Variants in FGF12 observed in about 807,000 individuals in gnomAD.
The protein encoded by FGF12 is fibroblast growth factor 12.
In FGF12, 14 loss-of-function variants were observed where a neutral mutation model predicts 23.6. The ratio of observed to expected loss-of-function variants is 0.59; its 90% confidence interval spans 0.39 to 0.93. The LOEUF (loss-of-function observed/expected upper bound fraction) is 0.93. FGF12 is among the 40% of genes least tolerant of loss of function. The probability of loss-of-function intolerance (pLI) is 0.00; values close to 1 mark genes in which losing one functional copy is unlikely to be tolerated. For missense variants in FGF12, 175 were observed against 217.8 expected, an observed-to-expected ratio of 0.80 and a Z score of 1.24; for synonymous variants, 62 against 77.3, an observed-to-expected ratio of 0.80 and a Z score of 1.04.
intron 2 of FGF12, among the ~76,000 whole-genome samples, chr3:192,641,062 C>T (rs2108664402): frequency 6.6e-6 from 1 of 151,176 alleles, no homozygotes; most frequent in South Asian, 2.1e-4. Flanking sequence ...TCCCAAAATA[C>T]TGGGACTACA....
At chr3:192,251,123 TA>T (rs544489154) in intron 4 of FGF12, among the ~76,000 whole-genome samples, 2 of 152,310 alleles carry the variant, frequency 1.3e-5, no homozygotes, top group African/African-American at 4.8e-5. Context: ...TTTGTCACTC[TA>T]TGGAAACTCT....
In FGF12 at chr3:192,195,611, T is replaced by C. The variant is rs1310364773; in HGVS notation, c.229-24955A>G. Among the ~76,000 whole-genome samples the C allele has an allele frequency of 2.0e-5, 3 of 152,210 alleles. No homozygotes were observed. In the East Asian group the frequency reaches 5.8e-4, roughly 29 times the overall value. ...AGTTTTCTGTAAGTATACTCTACGA[T>C]AGTCACACAATGAACTTGCAATAAT... On this transcript the variant is annotated intron_variant, in intron 4 of 5. Transcript: ENST00000445105.
At chr3:192,282,796 GTT>G (rs750037205) in intron 4 of FGF12, 7 of 152,038 alleles carry the variant, frequency 4.6e-5, no homozygotes, top group Non-Finnish European at 1.0e-4. Flanking sequence ...CTTTTGAATA[GTT>G]TCAGGTCTAC....
rs1168708013 is a variant in FGF12 at position 192,455,148 on chromosome 3, G to T, written c.14-94610C>A. ...TACTTCCTAAAATTAAAAGCCTATA[G>T]AGTTGGAAAGAAGAATAATATGATG... On this transcript the variant is annotated intron_variant, in intron 2 of 5. Transcript: ENST00000445105. Among the ~76,000 whole-genome samples, 3 of 152,142 alleles carry T rather than the reference G, an allele frequency of 2.0e-5. No individual in the cohort carries two copies. The East Asian group carries it at 5.8e-4, about 29-fold the overall frequency.
At chr3:192,444,486 T>A (rs1722292870) in intron 2 of FGF12, among the ~76,000 whole-genome samples, 1 of 152,216 alleles carries the variant, frequency 6.6e-6, no homozygotes, top group South Asian at 2.1e-4. Context: ...CTAACATTGC[T>A]TCTGGAACAA....
chr3:192,605,238 A>T (rs1477687518), intron 2 of FGF12, among the ~76,000 whole-genome samples: 1 of 152,028 alleles, frequency 6.6e-6, no homozygotes, highest in East Asian at 1.9e-4. Flanking sequence ...TTAGCTTGGC[A>T]TAGTGGCACA....
At chr3:192,281,020 T>G (rs989729799) in intron 4 of FGF12, among the ~76,000 whole-genome samples, 3 of 152,130 alleles carry the variant, frequency 2.0e-5, no homozygotes, top group Admixed American at 2.0e-4. Flanking sequence ...GCCTCAGAAA[T>G]TTGTGGTGCA....
intron 4 of FGF12, among the ~76,000 whole-genome samples, chr3:192,220,494 A>T (rs1334935396): frequency 6.6e-6 from 1 of 152,104 alleles, no homozygotes; most frequent in Non-Finnish European, 1.5e-5. Flanking sequence ...ATTGTCCCAA[A>T]CACCATTTCC....
intron 2 of FGF12, among the ~76,000 whole-genome samples, chr3:192,650,219 T>C (rs1716166533): frequency 6.6e-6 from 1 of 152,232 alleles, no homozygotes; most frequent in Non-Finnish European, 1.5e-5. Context: ...TTAAACATTT[T>C]AATGGGCCTT....
chr3:192,229,638 C>T lies in FGF12; in HGVS notation c.229-58982G>A, dbSNP rs1239990302. On this transcript the variant is annotated intron_variant, in intron 4 of 5. Coordinates refer to ENST00000445105, the MANE Select transcript of FGF12 (RefSeq NM_004113.6). ...ACAGATCCTGGAGACTAAGAAGATC[C>T]ATGTTATGTAGTTTAAAATGAGGTA... Among the ~76,000 whole-genome samples, 5 of 152,076 alleles carry T rather than the reference C, an allele frequency of 3.3e-5. No homozygotes were observed. In the East Asian group the frequency reaches 9.7e-4, roughly 29 times the overall value.
chr3:192,415,235 GC>G (rs1203937551), intron 2 of FGF12, among the ~76,000 whole-genome samples: 4 of 152,004 alleles, frequency 2.6e-5, no homozygotes, highest in Admixed American at 2.6e-4. Flanking sequence ...CATCATTTTA[GC>G]CCTACTCTAA....
At chr3:192,312,505 A>T (rs78012666) in intron 4 of FGF12, among the ~76,000 whole-genome samples, 5,631 of 151,816 alleles carry the variant, frequency 0.037, 334 homozygotes, top group African/African-American at 0.13. Context: ...TTTGTGGAAA[A>T]CCCATAAGCA....
rs558231220 is a variant in FGF12, at chr3:192,212,173, C to G, written c.229-41517G>C. 5.3e-5 allele frequency among the ~76,000 whole-genome samples: 8 copies of G among 152,320 alleles called. No homozygotes were observed. The South Asian group carries it at 1.7e-3, about 32-fold the overall frequency. The stretch of plus-strand genomic sequence containing the variant: ...CTGAGAAGTTGATTGCTCTTCCAAT[C>G]ACTTATCTGGCTGCAAACCGCTGAG... On this transcript the variant is annotated intron_variant, in intron 4 of 5. Transcript: ENST00000445105.
At chr3:192,448,327 C>CA (rs34216760) in intron 2 of FGF12, among the ~76,000 whole-genome samples, 8 of 152,142 alleles carry the variant, frequency 5.3e-5, no homozygotes, top group Non-Finnish European at 8.8e-5. Context: ...CTGCACTCTG[C>CA]AAAAAATTCA....
intron 4 of FGF12, among the ~76,000 whole-genome samples, chr3:192,267,661 T>C (rs987394660): frequency 1.3e-5 from 2 of 152,194 alleles, no homozygotes; most frequent in Non-Finnish European, 1.5e-5. Flanking sequence ...TGTGGCATTG[T>C]GGACATTTAT....
In FGF12 at chr3:192,194,446, T is replaced by A. The variant is rs74902879; in HGVS notation, c.229-23790A>T. Among the ~76,000 whole-genome samples the A allele has an allele frequency of 2.2e-3, 342 of 152,322 alleles. 3 individuals are homozygous for A. The highest frequency in any genetic ancestry group is 7.5e-3 in the African/African-American group (310 of 41,570). On this transcript the variant is annotated intron_variant, in intron 4 of 5. Coordinates refer to ENST00000445105, the MANE Select transcript of FGF12 (RefSeq NM_004113.6). ...CAAAATGAAACTGTGGCTTAGAGTCTAATTGACACTGATAATACCATAGAG... is the reference window on the plus strand; with the variant it reads ...CAAAATGAAACTGTGGCTTAGAGTCAAATTGACACTGATAATACCATAGAG...
rs1426433968 is a variant in FGF12 at position 192,226,487 on chromosome 3, TAAGC to T, written c.229-55835_229-55832del. Among the ~76,000 whole-genome samples, 3 of 152,312 alleles carry T rather than the reference TAAGC, an allele frequency of 2.0e-5. No individual in the cohort carries two copies. In the East Asian group the frequency reaches 5.8e-4, roughly 29 times the overall value. ...TGCCATTACTGCAGCCATTAATAAG[TAAGC>T]ACACATCTATGTATAATGCACACAC... On this transcript the variant is annotated intron_variant, in intron 4 of 5. Transcript: ENST00000445105.
intron 2 of FGF12, among the ~76,000 whole-genome samples, chr3:192,371,164 A>G (rs1719211183): frequency 6.6e-6 from 1 of 152,216 alleles, no homozygotes; most frequent in African/African-American, 2.4e-5. Flanking sequence ...GACACTTCAA[A>G]CATGAAGATA....
chr3:192,510,360 C>T (rs1440877591), intron 2 of FGF12, among the ~76,000 whole-genome samples: 1 of 152,116 alleles, frequency 6.6e-6, no homozygotes, highest in Non-Finnish European at 1.5e-5. Context: ...AGGTGGCAAG[C>T]AAGGATATGA....
Sources: allele counts gnomAD v4.1 joint callset (sites outside exome capture counted in the v4.1 genomes callset), GRCh38; gene constraint gnomAD v4.1.1; transcripts MANE v1.5; gene names NCBI Gene and HGNC (gene_info 2026-07-23, HGNC 2026-07-21).